The following LMF1 variants were observed in gnomAD, a reference collection of about 807,000 sequenced individuals.
LMF1 encodes the protein transmembrane protein 112.
LMF1 carries 68 observed loss-of-function variants against 60.6 expected under a neutral mutation model. That is an observed-to-expected ratio of 1.12 (90% confidence interval 0.92 to 1.37). The LOEUF (loss-of-function observed/expected upper bound fraction) is 1.37, where lower values mean the gene tolerates loss of function less well. LMF1 is among the 40% of genes most tolerant of loss of function. The pLI is 0.00. For missense variants in LMF1, 948 were observed against 767.2 expected (o/e 1.24, Z -2.78); for synonymous variants, 418 against 324.7 (o/e 1.29, Z -3.09).
chr16:944,743 G>C (rs888997578), intron 2 of LMF1, among the ~76,000 whole-genome samples: 5 of 152,172 alleles, frequency 3.3e-5, no homozygotes, highest in Non-Finnish European at 7.3e-5. Flanking sequence ...GCCCCTGCCA[G>C]GCTTGCCCTG....
chr16:871,432 A>C, intron 6 of LMF1, 91 bp from the exon 7 acceptor site: 21 of 1,255,062 alleles, frequency 1.7e-5, no homozygotes, highest in Middle Eastern at 2.7e-4. Flanking sequence ...GGGAGGGGGG[A>C]GGGAACCTGC....
chr16:973,462 G>A (rs1432330521), upstream of LMF1, among the ~76,000 whole-genome samples: 1 of 152,228 alleles, frequency 6.6e-6, no homozygotes, highest in Non-Finnish European at 1.5e-5. Context: ...TGAGTTGCGT[G>A]AGCCCATTTA....
Position 878,867 on chromosome 16 carries a change from T to A in LMF1, c.897+703A>T, listed in dbSNP as rs8058502. 6.6e-6 allele frequency among the ~76,000 whole-genome samples: 1 copy of A among 152,010 alleles called. No homozygotes were observed. The highest frequency in any genetic ancestry group is 1.5e-5 in the Non-Finnish European group (1 of 67,972). On this transcript the variant is annotated intron_variant, in intron 6 of 10. Coordinates refer to ENST00000262301, the MANE Select transcript of LMF1 (RefSeq NM_022773.4). The surrounding 1 kb of genome is among the most constrained non-coding windows in gnomAD (Gnocchi z 5.2). ...TCCTGGCTGTATGTTACACCTCCAT[T>A]GAAACAATCGAGAGAGAGAACCACC...
chr16:889,224 A>G (rs982894604), intron 5 of LMF1, among the ~76,000 whole-genome samples: 1 of 152,186 alleles, frequency 6.6e-6, no homozygotes, highest in African/African-American at 2.4e-5. Flanking sequence ...TTCACCCTCC[A>G]GGGGGCTGGC....
chr16:858,893 A>G (rs1336325301), intron 10 of LMF1, among the ~76,000 whole-genome samples: 3 of 44,402 alleles, frequency 6.8e-5, no homozygotes, highest in African/African-American at 2.9e-4. Context: ...ACGGGTGTGC[A>G]GTGGTGTCTC....
chr16:942,930 C>T (rs932638268), intron 2 of LMF1, among the ~76,000 whole-genome samples: 2 of 152,234 alleles, frequency 1.3e-5, no homozygotes, highest in South Asian at 2.1e-4. Context: ...TGTTCTTTAG[C>T]TTGGATAATT....
Position 874,176 on chromosome 16 carries a change from G to C in LMF1, c.898-2835C>G, listed in dbSNP as rs1211256645. The stretch of plus-strand genomic sequence containing the variant: ...CACTTCAAAAGCATGAACTTACTTT[G>C]CGTTATCTGTGTTGTTTCATCACAA... On this transcript the variant is annotated intron_variant, in intron 6 of 10. Transcript: ENST00000262301. The surrounding 1 kb of genome is among the most constrained non-coding windows in gnomAD (Gnocchi z 4.1). 6.6e-6 allele frequency among the ~76,000 whole-genome samples: 1 copy of C among 152,252 alleles called. No homozygotes were observed. Among genetic ancestry groups the C allele is most frequent in the African/African-American group, 2.4e-5 (1 of 41,470 alleles).
intron 2 of LMF1, among the ~76,000 whole-genome samples, chr16:949,256 C>T (rs542508402): frequency 6.7e-6 from 1 of 149,526 alleles, no homozygotes; most frequent in African/African-American, 2.5e-5. Flanking sequence ...CAGAGTCAGC[C>T]AACGACAGAG....
At chr16:888,761 C>A (rs1484368859) in intron 5 of LMF1, among the ~76,000 whole-genome samples, 2 of 152,184 alleles carry the variant, frequency 1.3e-5, no homozygotes, top group African/African-American at 4.8e-5. Context: ...GTACAGGGGG[C>A]AGTGTGTGGG....
chr16:877,065 C>A (rs57778890), intron 6 of LMF1, among the ~76,000 whole-genome samples: 61 of 152,176 alleles, frequency 4.0e-4, no homozygotes, highest in Admixed American at 1.7e-3. Context: ...TGAGGCCGGG[C>A]GCACACCTGC....
At chr16:918,021 C>T (rs1596990324) in intron 3 of LMF1, among the ~76,000 whole-genome samples, 1 of 152,326 alleles carries the variant, frequency 6.6e-6, no homozygotes, top group East Asian at 1.9e-4. Context: ...GGGGACATGG[C>T]GTCGGGACGT....
intron 6 of LMF1, among the ~76,000 whole-genome samples, chr16:876,798 A>G (rs2069997957): frequency 6.6e-6 from 1 of 151,772 alleles, no homozygotes; most frequent in Admixed American, 6.6e-5. Flanking sequence ...GTAAGTTAAC[A>G]TGGCTGATTG....
intron 2 of LMF1, among the ~76,000 whole-genome samples, chr16:950,828 G>A (rs1354454909): frequency 7.4e-6 from 1 of 134,824 alleles, no homozygotes; most frequent in Admixed American, 7.4e-5. Flanking sequence ...GCCAACGACA[G>A]AGTCAGCCAA....
intron 3 of LMF1, among the ~76,000 whole-genome samples, chr16:916,512 G>A (rs2071282479): frequency 6.6e-6 from 1 of 152,228 alleles, no homozygotes; most frequent in African/African-American, 2.4e-5. Context: ...CACTATCACG[G>A]AACAGGGGCT....
intron 1 of LMF1, among the ~76,000 whole-genome samples, chr16:956,940 A>AG (rs1428461753): frequency 1.3e-5 from 2 of 151,932 alleles, no homozygotes; most frequent in East Asian, 3.9e-4. Context: ...GGATCACCTG[A>AG]GGTCAGGAGT....
intron 4 of LMF1, among the ~76,000 whole-genome samples, chr16:895,143 C>T (rs967954695): frequency 6.6e-5 from 10 of 152,310 alleles, no homozygotes; most frequent in East Asian, 1.9e-4. Context: ...GGCCTCCAGA[C>T]GGCGGGGGGT....
At chr16:950,871 A>C (rs1456763495) in intron 2 of LMF1, among the ~76,000 whole-genome samples, 1 of 148,682 alleles carries the variant, frequency 6.7e-6, no homozygotes, top group Non-Finnish European at 1.5e-5. Flanking sequence ...AGAGTCAGCC[A>C]AGGACGGAGT....
At chr16:976,648 A>C (rs2073153542) in intron 1 of LMF1, 1 of 453,466 alleles carries the variant, frequency 2.2e-6, no homozygotes, top group Admixed American at 2.4e-5. Context: ...GGCGCCCCCC[A>C]CCCCCACACT....
chr16:957,187 G>C (rs1457418991), intron 1 of LMF1, among the ~76,000 whole-genome samples: 1 of 152,094 alleles, frequency 6.6e-6, no homozygotes, highest in African/African-American at 2.4e-5. Flanking sequence ...AATGACACAG[G>C]GATGAAAGAA....
Sources: gnomAD v4.1 joint callset for allele counts (sites outside exome capture counted in the v4.1 genomes callset) on GRCh38, gnomAD v4.1.1 for gene constraint, Gnocchi (gnomAD v3.1) non-coding constraint, MANE v1.5 for transcripts, NCBI Gene and HGNC (gene_info 2026-07-23, HGNC 2026-07-21) for gene names.